The following NCAM1 variants were observed in gnomAD, a reference collection of about 807,000 sequenced individuals.
NCAM1 encodes the protein neural cell adhesion molecule 1.
In NCAM1, 14 loss-of-function variants were observed where a neutral mutation model predicts 109.8. The ratio of observed to expected loss-of-function variants is 0.13; its 90% confidence interval spans 0.08 to 0.20. The LOEUF is 0.20. NCAM1 is among the 10% of genes least tolerant of loss of function. The pLI, the probability that NCAM1 is intolerant of heterozygous loss-of-function variation, is 1.00. For synonymous variants in NCAM1, 418 were observed against 442.9 expected (o/e 0.94, Z 0.70); for missense variants, 774 against 1,109.9 (o/e 0.70, Z 4.30).
chr11:113,074,564 C>G lies in NCAM1; in HGVS notation c.52+112900C>G, dbSNP rs376165006. Among the ~76,000 whole-genome samples, 155 of 152,282 alleles carry G rather than the reference C, an allele frequency of 1.0e-3. 1 individual carries two copies. The highest frequency in any genetic ancestry group is 3.4e-3 in the Middle Eastern group (1 of 294). On this transcript the variant is annotated intron_variant, in intron 1 of 19. Transcript: ENST00000316851. Reference sequence around the variant, plus strand: ...ATGCTGCCAATATGGTAACCCTTGTCACATGTGGCTTTTGAACACTTGAAA... The same window carrying G: ...ATGCTGCCAATATGGTAACCCTTGTGACATGTGGCTTTTGAACACTTGAAA...
intron 1 of NCAM1, among the ~76,000 whole-genome samples, chr11:112,965,017 C>G (rs1555064947): frequency 6.6e-6 from 1 of 152,092 alleles, no homozygotes; most frequent in East Asian, 1.9e-4. Context: ...TGAACGCCCT[C>G]TTTCTTTCCC....
intron 1 of NCAM1, among the ~76,000 whole-genome samples, chr11:112,982,752 T>A (rs1357911567): frequency 6.6e-6 from 1 of 151,576 alleles, no homozygotes; most frequent in Non-Finnish European, 1.5e-5. Flanking sequence ...AGCAACAGAA[T>A]TGAGGAAGGG....
In NCAM1 at chr11:113,181,703, G is replaced by A. The variant is rs1160539857; in HGVS notation, c.53-20676G>A. Among the ~76,000 whole-genome samples the A allele has an allele frequency of 2.6e-5, 4 of 152,060 alleles. No homozygotes were observed. In the East Asian group the frequency reaches 5.8e-4, roughly 22 times the overall value. ...TAAATATTTAAGAAAAAAAAGAGGG[G>A]GTGGTTACTATGTGGTTGTAATCCA... On this transcript the variant is annotated intron_variant, in intron 1 of 19. Coordinates refer to ENST00000316851, the MANE Select transcript of NCAM1 (RefSeq NM_181351.5).
intron 1 of NCAM1, among the ~76,000 whole-genome samples, chr11:113,128,906 GGT>G (rs782123739): frequency 0.16 from 13,146 of 84,640 alleles, 841 homozygotes; most frequent in African/African-American, 0.23. Context: ...AAGTTGTGAG[GGT>G]GTGTGTGTGT....
At chr11:113,017,657 G>GTGTGTA (rs1281039916) in intron 1 of NCAM1, among the ~76,000 whole-genome samples, 1 of 151,976 alleles carries the variant, frequency 6.6e-6, no homozygotes, top group Non-Finnish European at 1.5e-5. Flanking sequence ...GTGTGTGTGT[G>GTGTGTA]TGTATGTATG....
intron 1 of NCAM1, among the ~76,000 whole-genome samples, chr11:113,038,429 C>T (rs1952961973): frequency 6.6e-6 from 1 of 152,200 alleles, no homozygotes; most frequent in African/African-American, 2.4e-5. Flanking sequence ...TAGCACTTTG[C>T]TTCTTTAGTC....
intron 1 of NCAM1, among the ~76,000 whole-genome samples, chr11:113,200,373 C>T (rs1275841641): frequency 6.6e-6 from 1 of 152,210 alleles, no homozygotes; most frequent in African/African-American, 2.4e-5. Flanking sequence ...AGGCTCCATG[C>T]TCCCCAAGAT....
chr11:113,225,807 A>C (rs896737147), intron 9 of NCAM1, among the ~76,000 whole-genome samples: 3 of 152,322 alleles, frequency 2.0e-5, no homozygotes, highest in South Asian at 2.1e-4. Context: ...AATTTTCAAC[A>C]CAGAATTTCA....
intron 1 of NCAM1, among the ~76,000 whole-genome samples, chr11:113,091,667 G>A (rs1318760674): frequency 6.6e-6 from 1 of 152,150 alleles, no homozygotes; most frequent in East Asian, 1.9e-4. Flanking sequence ...CACATGAAGA[G>A]TTAGTGCTGC....
At chr11:113,032,991 A>G (rs1952768241) in intron 1 of NCAM1, among the ~76,000 whole-genome samples, 1 of 152,228 alleles carries the variant, frequency 6.6e-6, no homozygotes, top group Non-Finnish European at 1.5e-5. Context: ...GAAGGCAACC[A>G]TAATAACGAA....
intron 1 of NCAM1, among the ~76,000 whole-genome samples, chr11:113,024,128 C>T (rs1555076768): frequency 6.6e-6 from 1 of 152,168 alleles, no homozygotes; most frequent in Non-Finnish European, 1.5e-5. Flanking sequence ...ACTGCTTATG[C>T]TTGTGCATTG....
chr11:113,122,136 A>C (rs987367018), intron 1 of NCAM1, among the ~76,000 whole-genome samples: 10 of 152,192 alleles, frequency 6.6e-5, no homozygotes, highest in Non-Finnish European at 1.2e-4. Flanking sequence ...GCTTGCCTTC[A>C]GATCCCATCC....
rs1555126831 is a variant in NCAM1 at position 113,277,449 on chromosome 11, A to C, written c.*2062A>C. The stretch of plus-strand genomic sequence containing the variant: ...TGGTTCAAATGCACAGGCCCTCAGA[A>C]TAGAGGAACATGAAGAGAGATCTTA... On this transcript the variant is annotated 3_prime_UTR_variant, in exon 20 of 20. Coordinates refer to ENST00000316851, the MANE Select transcript of NCAM1 (RefSeq NM_181351.5). 2.5e-6 allele frequency: 1 copy of C among 398,958 alleles called. No homozygotes were observed. Among genetic ancestry groups the C allele is most frequent in the South Asian group, 1.3e-4 (1 of 7,858 alleles). The allele number at this position is 398,958 out of a possible 1,614,324, so 24.7% of individuals were successfully genotyped here.
At chr11:113,098,644 C>T (rs1168852226) in intron 1 of NCAM1, among the ~76,000 whole-genome samples, 1 of 152,008 alleles carries the variant, frequency 6.6e-6, no homozygotes, top group African/African-American at 2.4e-5. Flanking sequence ...GGGGAAGAGG[C>T]CCCTTTAAGT....
chr11:113,014,503 T>C (rs1565382798), intron 1 of NCAM1, among the ~76,000 whole-genome samples: 1 of 152,214 alleles, frequency 6.6e-6, no homozygotes, highest in East Asian at 1.9e-4. Context: ...CTCCTTCATT[T>C]CTTTAAGATG....
intron 1 of NCAM1, among the ~76,000 whole-genome samples, chr11:112,997,838 T>C (rs1951636054): frequency 6.6e-6 from 1 of 152,242 alleles, no homozygotes; most frequent in Non-Finnish European, 1.5e-5. Flanking sequence ...TAATTGATGA[T>C]TCTGTTTCAA....
Position 113,121,537 on chromosome 11 carries a change from C to CAAAAAAAAAAAA in NCAM1, c.53-80832_53-80821dup, listed in dbSNP as rs3051887. On this transcript the variant is annotated intron_variant, in intron 1 of 19. Coordinates refer to ENST00000316851, the MANE Select transcript of NCAM1 (RefSeq NM_181351.5). Reference sequence around the variant, plus strand: ...TGCCTGGCCAACACCACCAATCTTACAAAAAAAAAAAAAAAAAAAAAGGCA... The same window carrying CAAAAAAAAAAAA: ...TGCCTGGCCAACACCACCAATCTTACAAAAAAAAAAAAAAAAAAAAAAAAAAAAAAAAAGGCA... 1.4e-4 allele frequency among the ~76,000 whole-genome samples: 13 copies of CAAAAAAAAAAAA among 92,402 alleles called. 3 individuals are homozygous for CAAAAAAAAAAAA. Among genetic ancestry groups the CAAAAAAAAAAAA allele is most frequent in the South Asian group, 4.4e-4 (1 of 2,256 alleles). 60.6% of individuals were successfully genotyped at this position (92,402 alleles called of 152,430 possible).
intron 9 of NCAM1, among the ~76,000 whole-genome samples, chr11:113,225,263 G>C (rs782550126): frequency 3.2e-4 from 49 of 152,106 alleles, no homozygotes; most frequent in Non-Finnish European, 1.9e-4. Context: ...TGAAAACCAC[G>C]GCACGAGAAC....
rs1555126644 is a variant in NCAM1, at chr11:113,276,634, A to G, written c.*1247A>G. On this transcript the variant is annotated 3_prime_UTR_variant, in exon 20 of 20. Coordinates refer to ENST00000316851, the MANE Select transcript of NCAM1 (RefSeq NM_181351.5). ...GAGCCCAGAATCTAGATTTGAGCGG[A>G]AGAGCATGTGTGCTTCAGGGAATTA... 6.5e-6 allele frequency: 1 copy of G among 152,676 alleles called. No individual in the cohort carries two copies. The allele number at this position is 152,676 out of a possible 1,614,324, so 9.5% of individuals were successfully genotyped here.
Sources: allele counts gnomAD v4.1 joint callset (sites outside exome capture counted in the v4.1 genomes callset), GRCh38; gene constraint gnomAD v4.1.1; transcripts MANE v1.5; gene names NCBI Gene and HGNC (gene_info 2026-07-23, HGNC 2026-07-21).